Variants in MSRA observed in about 807,000 individuals in gnomAD.
MSRA encodes mitochondrial peptide methionine sulfoxide reductase.
A neutral mutation model predicts 31.3 loss-of-function variants in MSRA; 54 were observed. That is an observed-to-expected ratio of 1.73 (90% CI 1.39 to 2.17). MSRA has a LOEUF of 2.17. Ranked by LOEUF, MSRA falls within the 30% of genes most tolerant of loss-of-function variation. The pLI is 0.00. For missense variants in MSRA, 507 were observed against 300.9 expected, an observed-to-expected ratio of 1.69 and a Z score of -5.07; for synonymous variants, 169 against 116.5, an observed-to-expected ratio of 1.45 and a Z score of -2.90.
intron 4 of MSRA, among the ~76,000 whole-genome samples, chr8:10,313,872 A>G (rs551336189): frequency 1.2e-4 from 19 of 152,368 alleles, no homozygotes; most frequent in Admixed American, 8.5e-4. Flanking sequence ...CTCATGTCAA[A>G]GTATGACAAA....
In MSRA at chr8:10,129,847, A is replaced by G. The variant is rs1047750564; in HGVS notation, c.142+75189A>G. 1.1e-3 allele frequency among the ~76,000 whole-genome samples: 33 copies of G among 30,588 alleles called. 1 individual carries two copies. The highest frequency in any genetic ancestry group is 0.029 in the Middle Eastern group (1 of 34). 20.1% of individuals were successfully genotyped at this position (30,588 alleles called of 152,430 possible). A position where few individuals can be genotyped will look rare whatever the true frequency, so the allele number is the denominator to read the frequency against. ...TCTGGCTTGCACAGGGTTGACATTC[A>G]GCAAATAGTTCCATTCCCCATATTT... On this transcript the variant is annotated intron_variant, in intron 1 of 5. Transcript: ENST00000317173.
intron 5 of MSRA, among the ~76,000 whole-genome samples, chr8:10,363,767 C>G (rs1585589221): frequency 6.6e-6 from 1 of 151,188 alleles, no homozygotes; most frequent in Non-Finnish European, 1.5e-5. Context: ...CACACACACA[C>G]ACACACACAC....
chr8:10,164,342 C>A (rs1317493853), intron 1 of MSRA, among the ~76,000 whole-genome samples: 1 of 152,124 alleles, frequency 6.6e-6, no homozygotes, highest in Non-Finnish European at 1.5e-5. Flanking sequence ...TGCGTATCGC[C>A]TGGGGCTGTC....
chr8:10,091,433 G>A (rs184502925), intron 1 of MSRA, among the ~76,000 whole-genome samples: 29 of 152,014 alleles, frequency 1.9e-4, no homozygotes, highest in Admixed American at 1.4e-3. Flanking sequence ...ATAGTATTCC[G>A]TTTACCATAT....
intron 2 of MSRA, among the ~76,000 whole-genome samples, chr8:10,233,776 T>C (rs1811698960): frequency 6.6e-6 from 1 of 152,166 alleles, no homozygotes; most frequent in Admixed American, 6.5e-5. Flanking sequence ...TATTTGAGAA[T>C]ATAATAGCTG....
Position 10,319,883 on chromosome 8 carries a change from G to A in MSRA, c.437G>A (p.Gly146Asp), listed in dbSNP as rs765064285. ...CCCTCCCTGTTTTCTGCTTTCCTAGGTATGCGCCAGGGGAACGACCATGGC... is the reference window on the plus strand; with the variant it reads ...CCCTCCCTGTTTTCTGCTTTCCTAGATATGCGCCAGGGGAACGACCATGGC... ...VFWENHDPTQGMRQGNDHGTQ... is the reference protein window; with the variant it reads ...VFWENHDPTQDMRQGNDHGTQ... The change falls in exon 5 of 6, where the codon GGT (glycine) becomes GAT (aspartate). Residue 146 changes from glycine (G) to aspartate (D), a missense_variant and splice_region_variant. Gly to Asp is a moderately conservative substitution (Grantham distance 94). Transcript: ENST00000317173. 11 of 1,530,876 alleles carry A rather than the reference G, an allele frequency of 7.2e-6. No individual in the cohort carries two copies. Among genetic ancestry groups the A allele is most frequent in the East Asian group, 2.4e-5 (1 of 41,550 alleles). 94.8% of individuals were successfully genotyped at this position (1,530,876 alleles called of 1,614,324 possible). A position where few individuals can be genotyped will look rare whatever the true frequency, so the allele number is the denominator to read the frequency against.
At chr8:10,314,424 A>G (rs1801603038) in intron 4 of MSRA, among the ~76,000 whole-genome samples, 1 of 152,140 alleles carries the variant, frequency 6.6e-6, no homozygotes, top group African/African-American at 2.4e-5. Context: ...TAATCAGGAA[A>G]ATGCAAATTA....
At chr8:10,418,850 A>T (rs1808640430) in intron 5 of MSRA, among the ~76,000 whole-genome samples, 1 of 151,104 alleles carries the variant, frequency 6.6e-6, no homozygotes, top group African/African-American at 2.4e-5. Context: ...CAACAAAAAA[A>T]AAAAACACCA....
chr8:10,193,900 T>C (rs975191259), intron 1 of MSRA, among the ~76,000 whole-genome samples: 5 of 152,340 alleles, frequency 3.3e-5, no homozygotes, highest in Middle Eastern at 3.4e-3. Flanking sequence ...TACCCACTTA[T>C]TGAAAATCAA....
intron 1 of MSRA, among the ~76,000 whole-genome samples, chr8:10,055,443 G>A (rs1802296668): frequency 1.3e-5 from 2 of 152,204 alleles, no homozygotes; most frequent in Admixed American, 1.3e-4. Flanking sequence ...CAGAACGAGG[G>A]CCACACGTTA....
intron 3 of MSRA, among the ~76,000 whole-genome samples, chr8:10,261,389 T>TC (rs1554509145): frequency 1.4e-5 from 2 of 143,088 alleles, no homozygotes; most frequent in African/African-American, 5.2e-5. Context: ...ATCTGTTACT[T>TC]AAAAAAAAAA....
intron 1 of MSRA, among the ~76,000 whole-genome samples, chr8:10,155,394 C>G (rs372552587): frequency 7.2e-5 from 11 of 152,320 alleles, no homozygotes; most frequent in African/African-American, 2.2e-4. Context: ...CACGCTCTCT[C>G]TCTCACTGTT....
At chr8:10,365,780 C>T (rs1371555534) in intron 5 of MSRA, among the ~76,000 whole-genome samples, 2 of 152,274 alleles carry the variant, frequency 1.3e-5, no homozygotes, top group South Asian at 2.1e-4. Flanking sequence ...TCCTGGTGCT[C>T]AGGTGAGAAA....
intron 1 of MSRA, among the ~76,000 whole-genome samples, chr8:10,099,032 G>C (rs537939243): frequency 1.8e-4 from 27 of 152,304 alleles, no homozygotes; most frequent in Non-Finnish European, 3.5e-4. Flanking sequence ...GGTTTGCTAG[G>C]GGGTGTGGTG....
intron 5 of MSRA, among the ~76,000 whole-genome samples, chr8:10,404,512 C>G (rs568543202): frequency 1.3e-5 from 2 of 152,352 alleles, no homozygotes; most frequent in African/African-American, 2.4e-5. Context: ...GTGGCCCTCG[C>G]TCCTGCAATA....
chr8:10,352,265 A>G (rs1804199479), intron 5 of MSRA, among the ~76,000 whole-genome samples: 1 of 152,238 alleles, frequency 6.6e-6, no homozygotes, highest in Non-Finnish European at 1.5e-5. Context: ...ATATAAAAAC[A>G]TATAGATATG....
intron 1 of MSRA, among the ~76,000 whole-genome samples, chr8:10,089,159 C>G (rs1017335012): frequency 2.9e-4 from 44 of 152,194 alleles, no homozygotes; most frequent in South Asian, 2.1e-3. Flanking sequence ...CACACACACA[C>G]ACAGTAACTC....
At chr8:10,406,375 G>T (rs1001612266) in intron 5 of MSRA, among the ~76,000 whole-genome samples, 2 of 152,242 alleles carry the variant, frequency 1.3e-5, no homozygotes, top group Admixed American at 1.3e-4. Flanking sequence ...TCTACAAGAT[G>T]ATATTGTCAC....
chr8:10,227,113 C>T (rs975921150), intron 2 of MSRA, among the ~76,000 whole-genome samples: 1 of 152,156 alleles, frequency 6.6e-6, no homozygotes, highest in South Asian at 2.1e-4. Flanking sequence ...GAGGCACATT[C>T]TGAGGAGAGC....
Sources: allele counts gnomAD v4.1 joint callset (sites outside exome capture counted in the v4.1 genomes callset), GRCh38; gene constraint gnomAD v4.1.1; transcripts MANE v1.5; gene names NCBI Gene and HGNC (gene_info 2026-07-23, HGNC 2026-07-21).